RNF220: variants seen among roughly 807,000 people sequenced by gnomAD.
The protein encoded by RNF220 is E3 ubiquitin-protein ligase RNF220.
RNF220 carries 7 observed loss-of-function variants against 67.1 expected under a neutral mutation model. That is an observed-to-expected ratio of 0.10 (90% CI 0.06 to 0.20). The LOEUF (loss-of-function observed/expected upper bound fraction) is 0.20, where lower values mean the gene tolerates loss of function less well. Ranked by LOEUF, RNF220 falls within the 10% of genes least tolerant of loss-of-function variation. The pLI is 1.00. For synonymous variants in RNF220, 270 were observed against 283.2 expected (o/e 0.95, Z 0.47); for missense variants, 565 against 740.3 (o/e 0.76, Z 2.75).
intron 2 of RNF220, among the ~76,000 whole-genome samples, chr1:44,562,347 G>C (rs1395004293): frequency 6.6e-6 from 1 of 152,226 alleles, no homozygotes; most frequent in Non-Finnish European, 1.5e-5. Flanking sequence ...GGAAGCCGTG[G>C]CTGCTTAAAC....
rs914288362 is a variant in RNF220, at chr1:44,412,965, C to G, written c.625+243C>G. 1.3e-5 allele frequency among the ~76,000 whole-genome samples: 2 copies of G among 152,180 alleles called. No individual in the cohort carries two copies. The highest frequency in any genetic ancestry group is 4.8e-5 in the African/African-American group (2 of 41,454). On this transcript the variant is annotated intron_variant, in intron 2 of 14. Coordinates refer to ENST00000361799, the MANE Select transcript of RNF220 (RefSeq NM_018150.4). The surrounding 1 kb of genome is among the most constrained non-coding windows in gnomAD (Gnocchi z 5.3). ...CCAGCACAGCCTTTCTCTCCGGACCCTAGTGGGCTTATTCTCTGAGGACTT... is the reference window on the plus strand; with the variant it reads ...CCAGCACAGCCTTTCTCTCCGGACCGTAGTGGGCTTATTCTCTGAGGACTT...
intron 2 of RNF220, among the ~76,000 whole-genome samples, chr1:44,508,721 A>G (rs1357267065): frequency 6.6e-6 from 1 of 152,058 alleles, no homozygotes; most frequent in Admixed American, 6.5e-5. Flanking sequence ...CCCCTCTCTG[A>G]TCTCTTTCTC....
chr1:44,485,850 A>G (rs567123650), intron 2 of RNF220, among the ~76,000 whole-genome samples: 29 of 152,286 alleles, frequency 1.9e-4, no homozygotes, highest in African/African-American at 7.0e-4. Context: ...TCCAGCCACA[A>G]GCATGACACA....
intron 12 of RNF220, among the ~76,000 whole-genome samples, chr1:44,646,412 G>A (rs1339471947): frequency 2.0e-5 from 3 of 152,262 alleles, no homozygotes; most frequent in African/African-American, 4.8e-5. Context: ...TATGGGCCGC[G>A]GCGCAGGGCC....
rs74070561 is a variant in RNF220 at position 44,612,617 on chromosome 1, G to A, written c.626-1548G>A. On this transcript the variant is annotated intron_variant, in intron 2 of 14. Transcript: ENST00000361799. ...AACTTGAGGCTTCCTCAAGTACAAGGTTGCTAGATTTAGCATATAAAAATA... is the reference window on the plus strand; with the variant it reads ...AACTTGAGGCTTCCTCAAGTACAAGATTGCTAGATTTAGCATATAAAAATA... Among the ~76,000 whole-genome samples the A allele has an allele frequency of 3.1e-3, 468 of 152,224 alleles. 2 individuals are homozygous for A. The highest frequency in any genetic ancestry group is 0.01 in the African/African-American group (425 of 41,522).
At chr1:44,558,801 G>A (rs917215979) in intron 2 of RNF220, among the ~76,000 whole-genome samples, 4 of 152,130 alleles carry the variant, frequency 2.6e-5, no homozygotes, top group African/African-American at 9.7e-5. Context: ...TTATAGCCCC[G>A]GTGAAAGAGA....
chr1:44,523,040 A>C (rs1283393296), intron 2 of RNF220, among the ~76,000 whole-genome samples: 1 of 152,238 alleles, frequency 6.6e-6, no homozygotes, highest in Non-Finnish European at 1.5e-5. Flanking sequence ...GGGGAAGAAC[A>C]TATGTTCAAA....
At chr1:44,635,840 C>A in intron 7 of RNF220, 190 bp from the exon 8 acceptor site, 2 of 1,302,876 alleles carry the variant, frequency 1.5e-6, no homozygotes, top group Non-Finnish European at 2.1e-6. Flanking sequence ...CCTCCTTGGG[C>A]TCCAGCGGAA....
At chr1:44,484,871 C>T (rs1438196004) in intron 2 of RNF220, among the ~76,000 whole-genome samples, 4 of 152,166 alleles carry the variant, frequency 2.6e-5, no homozygotes, top group Non-Finnish European at 4.4e-5. Context: ...CAGCCGGGCA[C>T]GGTGGCTCAC....
intron 2 of RNF220, among the ~76,000 whole-genome samples, chr1:44,453,078 T>G (rs1310708035): frequency 6.6e-6 from 1 of 152,212 alleles, no homozygotes; most frequent in Non-Finnish European, 1.5e-5. Context: ...TTTTACAGTT[T>G]GCTTGCTATT....
chr1:44,409,473 G>A (rs965388627), intron 1 of RNF220, among the ~76,000 whole-genome samples: 4 of 152,188 alleles, frequency 2.6e-5, no homozygotes, highest in African/African-American at 9.7e-5. Context: ...CCTCCTTTCA[G>A]CGGGGATGTC....
intron 2 of RNF220, among the ~76,000 whole-genome samples, chr1:44,516,369 A>G (rs1659452204): frequency 6.6e-6 from 1 of 152,252 alleles, no homozygotes; most frequent in South Asian, 2.1e-4. Context: ...GGAAGACTTC[A>G]CAGAATTAGC....
chr1:44,544,141 A>C (rs940079642), intron 2 of RNF220, among the ~76,000 whole-genome samples: 1 of 152,228 alleles, frequency 6.6e-6, no homozygotes, highest in Admixed American at 6.5e-5. Context: ...AACCACTCCC[A>C]AACAATGATC....
In RNF220 at chr1:44,632,358, C is replaced by A; in HGVS notation, c.922C>A (p.Arg308=). The A allele has an allele frequency of 6.2e-7, 1 of 1,613,988 alleles. No individual in the cohort carries two copies. Among genetic ancestry groups the A allele is most frequent in the Non-Finnish European group, 8.5e-7 (1 of 1,179,996 alleles). ...SDRYQTFLRV[R]ANRQTRLNAR... ...CTTCTCCCAGACCTTTCTGCGAGTA[C>A]GAGCCAACCGGCAGACCCGACTGAA... is the stretch of plus-strand genomic sequence containing the variant. The change falls in exon 6 of 15, where the codon CGA becomes AGA. Residue 308 remains arginine, a synonymous_variant. Transcript: ENST00000361799.
Position 44,645,147 on chromosome 1 carries a change from C to G in RNF220, c.1310+66C>G. The stretch of plus-strand genomic sequence containing the variant: ...CAGGAAGCCCTGAGGCAGGGGTTAA[C>G]GCAGTACTGACCCTCAGGGCTGTCC... On this transcript the variant is annotated intron_variant, in intron 10 of 14. Coordinates refer to ENST00000361799, the MANE Select transcript of RNF220 (RefSeq NM_018150.4). This position sits in a 1 kb window ranked among gnomAD's most constrained non-coding sequence, Gnocchi z 5.0. 3 of 1,611,648 alleles carry G rather than the reference C, an allele frequency of 1.9e-6. No individual in the cohort carries two copies. Among genetic ancestry groups the G allele is most frequent in the East Asian group, 2.2e-5 (1 of 44,834 alleles).
intron 3 of RNF220, among the ~76,000 whole-genome samples, chr1:44,616,022 G>C (rs1643531705): frequency 6.6e-6 from 1 of 152,184 alleles, no homozygotes; most frequent in Non-Finnish European, 1.5e-5. Flanking sequence ...TCACTCACAT[G>C]GCTGTTGGCA....
intron 2 of RNF220, among the ~76,000 whole-genome samples, chr1:44,570,076 A>G (rs889535984): frequency 1.3e-5 from 2 of 152,150 alleles, no homozygotes; most frequent in African/African-American, 4.8e-5. Context: ...GCTGTTTTTC[A>G]GGTCCGAATG....
intron 2 of RNF220, among the ~76,000 whole-genome samples, chr1:44,433,217 A>C (rs1299321558): frequency 6.6e-6 from 1 of 152,216 alleles, no homozygotes; most frequent in East Asian, 1.9e-4. Flanking sequence ...GGTGTGAGCC[A>C]CCATGCCTGG....
At chr1:44,632,705 G>A (rs1014080850) in intron 6 of RNF220, 2 of 504,744 alleles carry the variant, frequency 4.0e-6, no homozygotes, top group Admixed American at 6.4e-5. Flanking sequence ...GCAAACTGCT[G>A]GGACCTCACT....
Sources: allele counts gnomAD v4.1 joint callset (sites outside exome capture counted in the v4.1 genomes callset), GRCh38; gene constraint gnomAD v4.1.1; non-coding constraint Gnocchi (gnomAD v3.1); transcripts MANE v1.5; gene names NCBI Gene and HGNC (gene_info 2026-07-23, HGNC 2026-07-21).